CPNE2: variants seen among roughly 807,000 people sequenced by gnomAD.
CPNE2 encodes the protein copine-2.
A neutral mutation model predicts 69.7 loss-of-function variants in CPNE2; 42 were observed. The observed-to-expected ratio is 0.60, with a 90% CI of 0.47 to 0.78. The LOEUF is 0.78. Among genes scored for constraint, CPNE2 ranks in the 30% least tolerant of loss-of-function variants. CPNE2 has a pLI of 0.00. For missense variants in CPNE2, 587 were observed against 732.0 expected, an observed-to-expected ratio of 0.80 and a Z score of 2.29; for synonymous variants, 294 against 289.8, an observed-to-expected ratio of 1.01 and a Z score of -0.15.
At chr16:57,116,513 C>T (rs2069720457) in intron 4 of CPNE2, among the ~76,000 whole-genome samples, 1 of 152,182 alleles carries the variant, frequency 6.6e-6, no homozygotes, top group African/African-American at 2.4e-5. Flanking sequence ...GATCATGCTA[C>T]TGCCCTCCAG....
intron 3 of CPNE2, 106 bp from the exon 4 acceptor site, chr16:57,115,370 G>T: frequency 1.2e-6 from 1 of 846,850 alleles, no homozygotes; most frequent in Non-Finnish European, 1.9e-6. Context: ...CAGCCAGGGC[G>T]GGGTGCAGCC....
chr16:57,107,582 C>T (rs1457171778), intron 1 of CPNE2, among the ~76,000 whole-genome samples: 1 of 152,212 alleles, frequency 6.6e-6, no homozygotes, highest in African/African-American at 2.4e-5. Flanking sequence ...GTGGCTCGAT[C>T]CTTCCTGCCT....
rs2069958942 is a variant in CPNE2, at chr16:57,146,406, G to T, written c.1539+85G>T. On this transcript the variant is annotated intron_variant, in intron 15 of 15. Coordinates refer to ENST00000290776, the MANE Select transcript of CPNE2 (RefSeq NM_152727.6). The surrounding 1 kb of genome is among the most constrained non-coding windows in gnomAD (Gnocchi z 4.4). ...AATCAAGCTTGAGAGTCTTGGGGTTGTCTGGCCCAATCCTAGACTTCTCCA... is the reference window on the plus strand; with the variant it reads ...AATCAAGCTTGAGAGTCTTGGGGTTTTCTGGCCCAATCCTAGACTTCTCCA... 8.3e-7 allele frequency: 1 copy of T among 1,200,580 alleles called. No homozygotes were observed. Among genetic ancestry groups the T allele is most frequent in the Non-Finnish European group, 1.2e-6 (1 of 854,288 alleles). 74.4% of individuals were successfully genotyped at this position (1,200,580 alleles called of 1,614,324 possible).
intron 14 of CPNE2, among the ~76,000 whole-genome samples, chr16:57,138,918 G>T (rs2069902283): frequency 6.6e-6 from 1 of 152,222 alleles, no homozygotes; most frequent in African/African-American, 2.4e-5. Flanking sequence ...GGAGGCACCT[G>T]GTCACCAGGG....
intron 7 of CPNE2, among the ~76,000 whole-genome samples, chr16:57,120,573 C>T (rs986384817): frequency 6.6e-6 from 1 of 152,102 alleles, no homozygotes; most frequent in Non-Finnish European, 1.5e-5. Flanking sequence ...AAGTAGGATA[C>T]CAGGAATCTT....
rs371567443 is a variant in CPNE2, at chr16:57,121,102, T to C, written c.691T>C (p.Tyr231His). ...DMEKPIQVMC[Y>H]DYDNDGGHDF... Reference sequence around the variant, plus strand: ...GCTGAACCCACCCCAGGTCATGTGCTACGACTATGACAATGACGGGGGCCA... The same window carrying C: ...GCTGAACCCACCCCAGGTCATGTGCCACGACTATGACAATGACGGGGGCCA... Residue 231 changes from tyrosine to histidine, a missense_variant, in exon 8 of 16, where the codon TAC becomes CAC. This residue lies in a region of CPNE2 where 269 missense variants were observed against 300.5 expected (regional missense o/e 0.90). Transcript: ENST00000290776. 1.5e-5 allele frequency: 24 copies of C among 1,613,344 alleles called. No individual in the cohort carries two copies. The South Asian group carries it at 2.2e-4, about 15-fold the overall frequency.
At chr16:57,135,716 C>G (rs1483355346) in intron 13 of CPNE2, among the ~76,000 whole-genome samples, 3 of 150,936 alleles carry the variant, frequency 2.0e-5, no homozygotes, top group African/African-American at 4.9e-5. Context: ...TGTACTAAAA[C>G]TACAAAAATT....
rs117222273 is a variant in CPNE2 at position 57,140,589 on chromosome 16, A to T, written c.1302+3307A>T. Among the ~76,000 whole-genome samples the T allele has an allele frequency of 9.7e-3, 1,469 of 151,322 alleles. 25 individuals are homozygous for T. Among genetic ancestry groups the T allele is most frequent in the Non-Finnish European group, 9.8e-3 (665 of 67,776 alleles). On this transcript the variant is annotated intron_variant, in intron 14 of 15. Transcript: ENST00000290776. ...GGAGGGATATTTTTTTTTTGAGACA[A>T]AGTCTCATTCTGTTGCCCAGGCTGA...
intron 1 of CPNE2, among the ~76,000 whole-genome samples, chr16:57,098,405 C>T (rs1597488471): frequency 1.3e-5 from 2 of 152,222 alleles, no homozygotes; most frequent in Non-Finnish European, 2.9e-5. Flanking sequence ...GCCTGCTCCC[C>T]GGGGGCTGCC....
At chr16:57,140,459 A>G (rs1350014709) in intron 14 of CPNE2, among the ~76,000 whole-genome samples, 3 of 152,052 alleles carry the variant, frequency 2.0e-5, no homozygotes, top group African/African-American at 7.2e-5. Flanking sequence ...GGTGTGAGCC[A>G]CTGCACCCAC....
Position 57,147,544 on chromosome 16 carries a change from C to G in CPNE2, c.1540-7C>G, listed in dbSNP as rs565416191. 2 of 1,591,428 alleles carry G rather than the reference C, an allele frequency of 1.3e-6. No individual in the cohort carries two copies. Among genetic ancestry groups the G allele is most frequent in the East Asian group, 4.5e-5 (2 of 44,280 alleles). Reference sequence around the variant, plus strand: ...TCTTCCCCACCCCACCCTCCTCCACCCTGCAGGCAGCAAAAGAGACCTTGG... The same window carrying G: ...TCTTCCCCACCCCACCCTCCTCCACGCTGCAGGCAGCAAAAGAGACCTTGG... On this transcript the variant is annotated splice_region_variant and splice_polypyrimidine_tract_variant and intron_variant, in intron 15 of 15. Transcript: ENST00000290776.
rs1386265782 is a variant in CPNE2 at position 57,146,237 on chromosome 16, G to A, written c.1455G>A (p.Gly485=). The A allele has an allele frequency of 6.4e-7, 1 of 1,561,402 alleles. No individual in the cohort carries two copies. Among genetic ancestry groups the A allele is most frequent in the Admixed American group, 1.9e-5 (1 of 52,236 alleles). Reference sequence around the variant, plus strand: ...TCGCTGCCATGGAGTTCCTGGATGGGGACAGCCGCATGCTGCGCTCCCACA... The same window carrying A: ...TCGCTGCCATGGAGTTCCTGGATGGAGACAGCCGCATGCTGCGCTCCCACA... ...ADFAAMEFLD[G]DSRMLRSHTG... Residue 485 remains glycine (G), a synonymous_variant, in exon 15 of 16, where the codon GGG becomes GGA. Transcript: ENST00000290776. This position sits in a 1 kb window ranked among gnomAD's most constrained non-coding sequence, Gnocchi z 4.4.
At chr16:57,118,887 T>C (rs906064605) in intron 5 of CPNE2, among the ~76,000 whole-genome samples, 19 of 152,134 alleles carry the variant, frequency 1.2e-4, no homozygotes, top group South Asian at 2.1e-4. Context: ...CCTCTTGAAG[T>C]CCTGGCCCAT....
Position 57,146,089 on chromosome 16 carries a change from A to C in CPNE2, c.1307A>C (p.Tyr436Ser). 6.2e-7 allele frequency: 1 copy of C among 1,604,010 alleles called. No individual in the cohort carries two copies. Among genetic ancestry groups the C allele is most frequent in the East Asian group, 2.2e-5 (1 of 44,474 alleles). The change falls in exon 15 of 16, where the codon TAC becomes TCC. Residue 436 changes from tyrosine (Y) to serine (S), a missense_variant. Transcript: ENST00000290776. This position sits in a 1 kb window ranked among gnomAD's most constrained non-coding sequence, Gnocchi z 4.4. ...QATQQRTATQ[Y>S]FILLIITDGV... ...CCGTTGGCCCCCTCCCTGCAGCAGT[A>C]CTTCATCCTCCTCATCATCACGGAC... is the stretch of plus-strand genomic sequence containing the variant.
chr16:57,121,048 C>G (rs1240539098), intron 7 of CPNE2, 45 bp from the exon 8 acceptor site: 2 of 1,493,112 alleles, frequency 1.3e-6, no homozygotes, highest in Non-Finnish European at 1.8e-6. Flanking sequence ...TGGAGAGCAC[C>G]TCTTGGGGGA....
At chr16:57,142,345 A>G (rs2069928099) in intron 14 of CPNE2, 1 of 152,368 alleles carries the variant, frequency 6.6e-6, no homozygotes, top group African/African-American at 2.4e-5. Context: ...TTAGCCTCAT[A>G]AAGGATGTGT....
intron 10 of CPNE2, chr16:57,125,631 C>T: frequency 1.8e-6 from 1 of 570,842 alleles, no homozygotes; most frequent in Non-Finnish European, 3.1e-6. Flanking sequence ...CTTATGTCAT[C>T]ACATCTAGGC....
At chr16:57,109,926 C>T (rs1186816292) in intron 1 of CPNE2, among the ~76,000 whole-genome samples, 6 of 152,194 alleles carry the variant, frequency 3.9e-5, no homozygotes, top group African/African-American at 1.2e-4. Context: ...ACGCCTCTGA[C>T]GTTACCAGAA....
At chr16:57,097,689 C>T (rs530532945) in intron 1 of CPNE2, among the ~76,000 whole-genome samples, 171 of 152,298 alleles carry the variant, frequency 1.1e-3, no homozygotes, top group Middle Eastern at 3.4e-3. Flanking sequence ...CAGCAGGTGA[C>T]GTCCCACCCA....
Sources: gnomAD v4.1 joint callset for allele counts (sites outside exome capture counted in the v4.1 genomes callset) on GRCh38, gnomAD v4.1.1 for gene constraint, gnomAD v4.1.1 regional missense constraint, Gnocchi (gnomAD v3.1) non-coding constraint, MANE v1.5 for transcripts, NCBI Gene and HGNC (gene_info 2026-07-23, HGNC 2026-07-21) for gene names.